The following ZFHX3 variants were observed in gnomAD, a reference collection of about 807,000 sequenced individuals.
The protein encoded by ZFHX3 is zinc finger homeobox 3, also known as zinc finger homeobox protein 3.
ZFHX3 carries 42 observed loss-of-function variants against 279.1 expected under a neutral mutation model. That is an observed-to-expected ratio of 0.15 (90% CI 0.12 to 0.19). The LOEUF (loss-of-function observed/expected upper bound fraction) is 0.19. Among genes scored for constraint, ZFHX3 ranks in the 10% least tolerant of loss-of-function variants. The pLI is 1.00. For missense variants in ZFHX3, 4,981 were observed against 4,754.0 expected, an observed-to-expected ratio of 1.05 and a Z score of -1.40; for synonymous variants, 2,293 against 1,957.8, an observed-to-expected ratio of 1.17 and a Z score of -4.52.
chr16:73,161,406 T>C (rs748871260), intron 5 of ZFHX3, among the ~76,000 whole-genome samples: 1 of 152,228 alleles, frequency 6.6e-6, no homozygotes, highest in Non-Finnish European at 1.5e-5. Flanking sequence ...CAACGGTTAT[T>C]GATCACATTC....
At chr16:73,849,470 A>G (rs1288970726) in intron 1 of ZFHX3, among the ~76,000 whole-genome samples, 1 of 152,130 alleles carries the variant, frequency 6.6e-6, no homozygotes, top group African/African-American at 2.4e-5. Context: ...CCTGTAAGTG[A>G]TCGATTATAC....
At chr16:72,940,190 G>A (rs776357129) in intron 3 of ZFHX3, among the ~76,000 whole-genome samples, 3 of 152,192 alleles carry the variant, frequency 2.0e-5, no homozygotes, top group African/African-American at 4.8e-5. Context: ...GTTTACAGGT[G>A]TGAGCCATGG....
rs60477881 is a variant in ZFHX3 at position 73,634,433 on chromosome 16, A to AATATATATATATATATAT, written c.-1547+45729_-1547+45746dup. ...GGCAACTCAACCAGTTATTATGTATAATATATATATATATATATATATATA... is the reference window on the plus strand; with the variant it reads ...GGCAACTCAACCAGTTATTATGTATAATATATATATATATATATATATATATATATATATATATATATA... On this transcript the variant is annotated intron_variant, in intron 2 of 17. Transcript: ENST00000641206. Among the ~76,000 whole-genome samples, 280 of 59,670 alleles carry AATATATATATATATATAT rather than the reference A, an allele frequency of 4.7e-3. 2 individuals are homozygous for AATATATATATATATATAT. Among genetic ancestry groups the AATATATATATATATATAT allele is most frequent in the African/African-American group, 0.012 (270 of 22,778 alleles). The allele number at this position is 59,670 out of a possible 152,430, so 39.1% of individuals were successfully genotyped here.
At chr16:73,188,054 G>C (rs1967954374) in intron 5 of ZFHX3, among the ~76,000 whole-genome samples, 1 of 152,064 alleles carries the variant, frequency 6.6e-6, no homozygotes, top group Non-Finnish European at 1.5e-5. Context: ...GTGGAGACGG[G>C]GTTTCACTCT....
chr16:73,579,963 T>C (rs58715297), intron 2 of ZFHX3, among the ~76,000 whole-genome samples: 4,704 of 147,366 alleles, frequency 0.032, 326 homozygotes, highest in Admixed American at 0.14. Flanking sequence ...TAATGTATTA[T>C]AATATATAAT....
rs2144074554 is a variant in ZFHX3, at chr16:72,889,839, G to A, written c.3340C>T (p.Arg1114Ter). ...TGCAGCTTTCGCAGGCTCTCGCTTCGCTGGTGCTTCATGGAGCGCACATGC... is the reference window on the plus strand; with the variant it reads ...TGCAGCTTTCGCAGGCTCTCGCTTCACTGGTGCTTCATGGAGCGCACATGC... Reference protein sequence around the residue: ...IQHVRSMKHQRSESLRKLQRL... With the variant: ...IQHVRSMKHQ The change falls in exon 4 of 10, where the codon CGA (arginine) becomes TGA (stop). Residue 1114 changes from arginine (R) to a stop codon, truncating the protein, a stop_gained. Coordinates refer to ENST00000268489, the MANE Select transcript of ZFHX3 (RefSeq NM_006885.4). LOFTEE classifies it high-confidence loss of function. 6.2e-7 allele frequency: 1 copy of A among 1,614,072 alleles called. No individual in the cohort carries two copies. The highest frequency in any genetic ancestry group is 8.5e-7 in the Non-Finnish European group (1 of 1,180,052).
chr16:72,987,855 G>A (rs1962912147), intron 1 of ZFHX3, among the ~76,000 whole-genome samples: 1 of 152,162 alleles, frequency 6.6e-6, no homozygotes. Flanking sequence ...TGAATCACCT[G>A]CTCCTAGGCA....
intron 1 of ZFHX3, among the ~76,000 whole-genome samples, chr16:72,987,843 C>T (rs538400736): frequency 1.5e-4 from 23 of 152,230 alleles, no homozygotes; most frequent in African/African-American, 4.6e-4. Flanking sequence ...GACTGCCTTT[C>T]ATGAATCACC....
chr16:73,781,259 C>T (rs1250265869), intron 1 of ZFHX3, among the ~76,000 whole-genome samples: 1 of 152,198 alleles, frequency 6.6e-6, no homozygotes. Flanking sequence ...CTTCAACATT[C>T]ATCAGAATTT....
At chr16:73,581,659 C>CTTTTTTTTTTT (rs11286052) in intron 2 of ZFHX3, among the ~76,000 whole-genome samples, 2 of 73,428 alleles carry the variant, frequency 2.7e-5, no homozygotes, top group African/African-American at 5.7e-5. Context: ...TCGAATGTCT[C>CTTTTTTTTTTT]TTTTTTTTTT....
intron 5 of ZFHX3, among the ~76,000 whole-genome samples, chr16:73,214,204 C>G (rs1191399832): frequency 6.6e-6 from 1 of 152,160 alleles, no homozygotes; most frequent in Non-Finnish European, 1.5e-5. Flanking sequence ...CTCAAATGGG[C>G]TTGGGCCAAG....
At chr16:73,473,344 AAAAAAAAAAAAAAC>A (rs2018704648) in intron 2 of ZFHX3, among the ~76,000 whole-genome samples, 1 of 50,864 alleles carries the variant, frequency 2.0e-5, no homozygotes, top group African/African-American at 7.1e-5. Flanking sequence ...CAAAGCAAAA[AAAAAAAAAAAAAAC>A]AAAAAAAAAA....
intron 3 of ZFHX3, among the ~76,000 whole-genome samples, chr16:73,319,952 A>G (rs879736556): frequency 4.2e-4 from 64 of 152,322 alleles, no homozygotes; most frequent in African/African-American, 1.5e-3. Flanking sequence ...CACTATTAAA[A>G]TGATGAGAGT....
intron 2 of ZFHX3, among the ~76,000 whole-genome samples, chr16:73,670,858 T>A (rs1426800201): frequency 6.6e-6 from 1 of 152,232 alleles, no homozygotes. Flanking sequence ...AGGCAAAGTA[T>A]GCTAATAAGG....
intron 3 of ZFHX3, among the ~76,000 whole-genome samples, chr16:73,407,587 A>G (rs117781247): frequency 2.8e-3 from 426 of 152,302 alleles, no homozygotes; most frequent in Non-Finnish European, 4.9e-3. Flanking sequence ...GGAACAGACC[A>G]CTGAGCTTTC....
intron 1 of ZFHX3, among the ~76,000 whole-genome samples, chr16:73,705,689 GTGTGAT>G (rs1239656413): frequency 9.9e-5 from 15 of 152,188 alleles, no homozygotes; most frequent in Middle Eastern, 6.8e-3. Context: ...TTAACATTGA[GTGTGAT>G]CCAAACAATT....
chr16:73,050,323 C>T (rs141735339), upstream of ZFHX3, among the ~76,000 whole-genome samples: 896 of 152,340 alleles, frequency 5.9e-3, 8 homozygotes, highest in African/African-American at 0.021. Flanking sequence ...CTGCAACCTG[C>T]CTCCTGCACT....
chr16:73,321,792 C>T (rs563738927), intron 3 of ZFHX3, among the ~76,000 whole-genome samples: 1 of 152,098 alleles, frequency 6.6e-6, no homozygotes, highest in African/African-American at 2.4e-5. Flanking sequence ...CCCTCTCCCC[C>T]AAAGGGTAGG....
chr16:72,916,749 G>T (rs1398937576), intron 3 of ZFHX3, among the ~76,000 whole-genome samples: 1 of 152,132 alleles, frequency 6.6e-6, no homozygotes, highest in Non-Finnish European at 1.5e-5. Context: ...CAAAGGATGG[G>T]TAGATTGCTT....
Sources: allele counts gnomAD v4.1 joint callset (sites outside exome capture counted in the v4.1 genomes callset), GRCh38; gene constraint gnomAD v4.1.1; transcripts MANE v1.5; gene names NCBI Gene and HGNC (gene_info 2026-07-23, HGNC 2026-07-21).